Variants in MACROD2 observed in about 807,000 individuals in gnomAD.
MACROD2 encodes mono-ADP ribosylhydrolase 2, also known as ADP-ribose glycohydrolase MACROD2.
In MACROD2, 36 loss-of-function variants were observed where a neutral mutation model predicts 70.4. The observed-to-expected ratio is 0.51, with a 90% CI of 0.39 to 0.68. MACROD2 has a LOEUF of 0.68. MACROD2 is among the 30% of genes least tolerant of loss of function. The probability of loss-of-function intolerance (pLI) is 0.00; values close to 1 mark genes in which losing one functional copy is unlikely to be tolerated. For missense variants in MACROD2, 496 were observed against 538.4 expected, an observed-to-expected ratio of 0.92 and a Z score of 0.78; for synonymous variants, 172 against 178.8, an observed-to-expected ratio of 0.96 and a Z score of 0.30.
chr20:14,246,760 T>C (rs533690497), intron 3 of MACROD2, among the ~76,000 whole-genome samples: 2 of 152,328 alleles, frequency 1.3e-5, no homozygotes, highest in South Asian at 4.1e-4. Context: ...TTTTAAAATA[T>C]AACAAACTTC....
chr20:15,133,327 T>A (rs2076120464), intron 5 of MACROD2, among the ~76,000 whole-genome samples: 1 of 152,050 alleles, frequency 6.6e-6, no homozygotes, highest in African/African-American at 2.4e-5. Flanking sequence ...AATTTTTAAA[T>A]CTCATAGACA....
intron 5 of MACROD2, among the ~76,000 whole-genome samples, chr20:14,756,063 C>T (rs1043657015): frequency 6.6e-6 from 1 of 152,042 alleles, no homozygotes; most frequent in Non-Finnish European, 1.5e-5. Flanking sequence ...GTTTCTCTCC[C>T]ATTTATTTTA....
intron 5 of MACROD2, among the ~76,000 whole-genome samples, chr20:15,159,568 A>C (rs1238396874): frequency 6.6e-6 from 1 of 152,080 alleles, no homozygotes; most frequent in Non-Finnish European, 1.5e-5. Context: ...AGGAAGACCA[A>C]ATGGAAGGAG....
intron 17 of MACROD2, among the ~76,000 whole-genome samples, chr20:16,046,416 AG>A (rs2067382381): frequency 6.6e-6 from 1 of 152,076 alleles, no homozygotes; most frequent in African/African-American, 2.4e-5. Flanking sequence ...TCCATTAAAA[AG>A]TAATGAAATG....
intron 8 of MACROD2, among the ~76,000 whole-genome samples, chr20:15,641,181 C>T (rs1256157959): frequency 1.3e-5 from 2 of 152,204 alleles, no homozygotes; most frequent in African/African-American, 4.8e-5. Context: ...GAATCAAGGT[C>T]CCTTGATCAC....
chr20:15,556,602 A>G (rs6110672), intron 8 of MACROD2, among the ~76,000 whole-genome samples: 11,910 of 152,300 alleles, frequency 0.078, 524 homozygotes, highest in Non-Finnish European at 0.1. Context: ...CTTATATGTT[A>G]CAATGTACTT....
chr20:14,874,669 T>TTGTA (rs1378847171), intron 5 of MACROD2, among the ~76,000 whole-genome samples: 59 of 144,978 alleles, frequency 4.1e-4, no homozygotes, highest in African/African-American at 1.3e-3. Flanking sequence ...ACAAAAAAGG[T>TTGTA]TGTATTTATT....
chr20:14,122,413 T>C (rs1411102449), intron 3 of MACROD2, among the ~76,000 whole-genome samples: 1 of 152,200 alleles, frequency 6.6e-6, no homozygotes, highest in East Asian at 1.9e-4. Context: ...GGGTAAACTA[T>C]AGAACAGTAT....
At chr20:15,902,299 T>C (rs1413815624) in intron 10 of MACROD2, among the ~76,000 whole-genome samples, 1 of 151,902 alleles carries the variant, frequency 6.6e-6, no homozygotes, top group African/African-American at 2.4e-5. Context: ...ATATAATATA[T>C]GTATTAATAT....
intron 5 of MACROD2, among the ~76,000 whole-genome samples, chr20:15,038,680 A>G (rs1362124711): frequency 6.6e-6 from 1 of 152,150 alleles, no homozygotes; most frequent in East Asian, 1.9e-4. Flanking sequence ...GTGACGTTCA[A>G]TGTGCTCATG....
At chr20:14,023,122 T>C (rs987006303) in intron 2 of MACROD2, among the ~76,000 whole-genome samples, 2 of 152,224 alleles carry the variant, frequency 1.3e-5, no homozygotes, top group Non-Finnish European at 2.9e-5. Context: ...TAGTATCTCA[T>C]TGTGGTTTTG....
At chr20:14,382,432 G>A (rs2083430889) in intron 3 of MACROD2, among the ~76,000 whole-genome samples, 1 of 151,934 alleles carries the variant, frequency 6.6e-6, no homozygotes, top group African/African-American at 2.4e-5. Flanking sequence ...ACTTTGGGAG[G>A]CTGAGGAGGG....
At chr20:14,511,466 A>C (rs1844890793) in intron 4 of MACROD2, among the ~76,000 whole-genome samples, 1 of 152,110 alleles carries the variant, frequency 6.6e-6, no homozygotes, top group African/African-American at 2.4e-5. Flanking sequence ...CTCTTTAGGA[A>C]AAAAGACCAC....
intron 8 of MACROD2, among the ~76,000 whole-genome samples, chr20:15,661,293 C>T (rs6110709): frequency 0.062 from 9,401 of 152,182 alleles, 577 homozygotes; most frequent in East Asian, 0.19. Context: ...TGGCTCACAG[C>T]TTGGCAGGCT....
intron 3 of MACROD2, among the ~76,000 whole-genome samples, chr20:14,166,692 A>T (rs1412689606): frequency 6.7e-6 from 1 of 150,234 alleles, no homozygotes; most frequent in South Asian, 2.1e-4. Context: ...CTTCCATCCC[A>T]CTCTCTGTAT....
At chr20:15,196,563 A>G (rs1266446199) in intron 5 of MACROD2, among the ~76,000 whole-genome samples, 1 of 152,184 alleles carries the variant, frequency 6.6e-6, no homozygotes, top group Non-Finnish European at 1.5e-5. Context: ...CTGGACAAAA[A>G]TCTATGGGTT....
intron 15 of MACROD2, among the ~76,000 whole-genome samples, chr20:16,006,836 T>C (rs1465113437): frequency 3.3e-5 from 5 of 152,200 alleles, no homozygotes; most frequent in Non-Finnish European, 5.9e-5. Context: ...TCTACTACCA[T>C]CTTTTTCAAA....
intron 6 of MACROD2, among the ~76,000 whole-genome samples, chr20:15,256,730 A>G (rs73101209): frequency 0.11 from 16,737 of 152,058 alleles, 1,176 homozygotes; most frequent in African/African-American, 0.18. Context: ...CTGAAGTCTC[A>G]TTAACCACGG....
intron 8 of MACROD2, among the ~76,000 whole-genome samples, chr20:15,786,832 A>G (rs1206828613): frequency 6.6e-6 from 1 of 152,268 alleles, no homozygotes; most frequent in Non-Finnish European, 1.5e-5. Flanking sequence ...ATAGAATACA[A>G]ACATTTTAAA....
Sources: gnomAD v4.1 joint callset for allele counts (sites outside exome capture counted in the v4.1 genomes callset) on GRCh38, gnomAD v4.1.1 for gene constraint, MANE v1.5 for transcripts, NCBI Gene and HGNC (gene_info 2026-07-23, HGNC 2026-07-21) for gene names.